VWA8: variants seen among roughly 807,000 people sequenced by gnomAD.
VWA8 encodes von Willebrand factor A domain containing 8.
A neutral mutation model predicts 241.5 loss-of-function variants in VWA8; 221 were observed. The ratio of observed to expected loss-of-function variants is 0.91; its 90% CI spans 0.82 to 1.02. The LOEUF is 1.02. Among genes scored for constraint, VWA8 ranks in the 50% least tolerant of loss-of-function variants. The pLI, the probability that VWA8 is intolerant of heterozygous loss-of-function variation, is 0.00. For synonymous variants in VWA8, 852 were observed against 827.1 expected, an observed-to-expected ratio of 1.03 and a Z score of -0.52; for missense variants, 2,322 against 2,328.7, an observed-to-expected ratio of 1.00 and a Z score of 0.06.
intron 21 of VWA8, among the ~76,000 whole-genome samples, chr13:41,739,966 T>C (rs1480384522): frequency 6.6e-6 from 1 of 150,944 alleles, no homozygotes; most frequent in Non-Finnish European, 1.5e-5. Context: ...GTCATTCTCC[T>C]GCCTCAGCCT....
At chr13:41,747,350 C>A (rs905444499) in intron 21 of VWA8, among the ~76,000 whole-genome samples, 6 of 152,138 alleles carry the variant, frequency 3.9e-5, no homozygotes, top group African/African-American at 1.4e-4. Flanking sequence ...ATTTTATTCT[C>A]TTTGAAGCAA....
chr13:41,729,199 C>CT (rs1566431420), intron 23 of VWA8, among the ~76,000 whole-genome samples: 1 of 151,422 alleles, frequency 6.6e-6, no homozygotes, highest in African/African-American at 2.4e-5. Context: ...AAAAGTCCAG[C>CT]TTTTTTTATT....
At chr13:41,679,725 G>T (rs2045084531) in intron 35 of VWA8, among the ~76,000 whole-genome samples, 1 of 152,164 alleles carries the variant, frequency 6.6e-6, no homozygotes, top group Non-Finnish European at 1.5e-5. Flanking sequence ...AGACTAATTA[G>T]ATGGTTGGAT....
At chr13:41,708,505 C>G (rs73466977) in intron 26 of VWA8, among the ~76,000 whole-genome samples, 3,251 of 152,236 alleles carry the variant, frequency 0.021, 117 homozygotes, top group African/African-American at 0.071. Context: ...TTGCTAGAAA[C>G]TTCAGAATGT....
At chr13:41,852,130 G>A (rs1321603403) in intron 12 of VWA8, among the ~76,000 whole-genome samples, 1 of 152,166 alleles carries the variant, frequency 6.6e-6, no homozygotes, top group South Asian at 2.1e-4. Flanking sequence ...TCTAACAGGT[G>A]TAAAGCAATA....
rs910667763 is a variant in VWA8, at chr13:41,621,390, G to A, written c.4612-6306C>T. Among the ~76,000 whole-genome samples, 8 of 152,216 alleles carry A rather than the reference G, an allele frequency of 5.3e-5. No individual in the cohort carries two copies. The East Asian group carries it at 5.8e-4, about 11-fold the overall frequency. On this transcript the variant is annotated intron_variant, in intron 37 of 44. Coordinates refer to ENST00000379310, the MANE Select transcript of VWA8 (RefSeq NM_015058.2). ...GATGGGTTTATTGGGATGTAAGCCCGTTGTAAGTCAAGGAGCATTTGTAGT... is the reference window on the plus strand; with the variant it reads ...GATGGGTTTATTGGGATGTAAGCCCATTGTAAGTCAAGGAGCATTTGTAGT...
chr13:41,589,346 A>C (rs1329564293), intron 41 of VWA8, among the ~76,000 whole-genome samples: 1 of 152,192 alleles, frequency 6.6e-6, no homozygotes, highest in Non-Finnish European at 1.5e-5. Context: ...CTGATCTTTA[A>C]AGTAAGAGAA....
intron 28 of VWA8, among the ~76,000 whole-genome samples, chr13:41,700,953 G>A: frequency 6.6e-6 from 1 of 152,330 alleles, no homozygotes; most frequent in Admixed American, 6.5e-5. Flanking sequence ...CAGTCCAGAA[G>A]TGTGGATGCC....
chr13:41,776,492 T>C (rs1362813680), intron 20 of VWA8, among the ~76,000 whole-genome samples: 3 of 152,238 alleles, frequency 2.0e-5, no homozygotes, highest in Non-Finnish European at 2.9e-5. Flanking sequence ...TGAAGAAAAA[T>C]AGGTAGGACT....
chr13:41,790,774 A>G (rs1869419014), intron 17 of VWA8, among the ~76,000 whole-genome samples: 1 of 151,958 alleles, frequency 6.6e-6, no homozygotes, highest in African/African-American at 2.4e-5. Context: ...GTAGTTCCTC[A>G]GGTTTACAAA....
chr13:41,787,837 T>G (rs1351752656), intron 17 of VWA8, among the ~76,000 whole-genome samples: 1 of 152,186 alleles, frequency 6.6e-6, no homozygotes, highest in Non-Finnish European at 1.5e-5. Flanking sequence ...TAAAATTTGC[T>G]TTCTTAAGTA....
At chr13:41,691,982 T>TTCATATTAAATGTGTCAGCTAA in intron 30 of VWA8, 44 bp from the exon 31 acceptor site, 1 of 1,317,182 alleles carries the variant, frequency 7.6e-7, no homozygotes, top group Non-Finnish European at 1.1e-6. Flanking sequence ...ATGTGTCAGA[T>TTCATATTAAATGTGTCAGCTAA]ACAGTCATGT....
chr13:41,569,183 C>A (rs1177011022), intron 44 of VWA8, among the ~76,000 whole-genome samples: 1 of 152,190 alleles, frequency 6.6e-6, no homozygotes, highest in African/African-American at 2.4e-5. Context: ...TGCAACATAT[C>A]TTTTGCCAGT....
chr13:41,855,325 T>TATATATA (rs895084794), intron 12 of VWA8, among the ~76,000 whole-genome samples: 11 of 145,558 alleles, frequency 7.6e-5, no homozygotes, highest in Admixed American at 2.1e-4. Context: ...TTTATTTATA[T>TATATATA]ATATATAATA....
At chr13:41,572,797 T>TAAAAAAAAAAAA (rs869088660) in intron 43 of VWA8, among the ~76,000 whole-genome samples, 16 of 67,770 alleles carry the variant, frequency 2.4e-4, no homozygotes, top group South Asian at 4.5e-4. Context: ...CAATAAATAC[T>TAAAAAAAAAAAA]AAAAAAAAAA....
At chr13:41,795,094 C>A (rs907390892) in intron 17 of VWA8, among the ~76,000 whole-genome samples, 1 of 152,000 alleles carries the variant, frequency 6.6e-6, no homozygotes, top group African/African-American at 2.4e-5. Flanking sequence ...GAAACTTAAA[C>A]AAACTTACAA....
At chr13:41,721,947 T>C (rs542808395) in intron 24 of VWA8, among the ~76,000 whole-genome samples, 22 of 151,466 alleles carry the variant, frequency 1.5e-4, no homozygotes, top group African/African-American at 5.4e-4. Flanking sequence ...AGACCTGTAT[T>C]AGCACTTTTT....
intron 28 of VWA8, among the ~76,000 whole-genome samples, chr13:41,700,890 C>A (rs1477078678): frequency 2.6e-5 from 4 of 152,160 alleles, no homozygotes; most frequent in Non-Finnish European, 5.9e-5. Flanking sequence ...AGTTGAGGAA[C>A]TTCTGCCAAA....
intron 9 of VWA8, 74 bp from the exon 10 acceptor site, chr13:41,868,551 C>T (rs765113710): frequency 6.8e-7 from 1 of 1,469,372 alleles, no homozygotes; most frequent in Non-Finnish European, 9.2e-7. Context: ...ACAGATTACA[C>T]CTTAATTACA....
Sources: allele counts gnomAD v4.1 joint callset (sites outside exome capture counted in the v4.1 genomes callset), GRCh38; gene constraint gnomAD v4.1.1; transcripts MANE v1.5; gene names NCBI Gene and HGNC (gene_info 2026-07-23, HGNC 2026-07-21).